The following ANKS1B variants were observed in gnomAD, a reference collection of about 807,000 sequenced individuals.
ANKS1B encodes ankyrin repeat and sterile alpha motif domain containing 1B.
ANKS1B carries 36 observed loss-of-function variants against 148.3 expected under a neutral mutation model. That is an observed-to-expected ratio of 0.24 (90% CI 0.19 to 0.32). The LOEUF is 0.32. Ranked by LOEUF, ANKS1B falls within the 10% of genes least tolerant of loss-of-function variation. The pLI is 1.00. For missense variants in ANKS1B, 1,157 were observed against 1,542.6 expected (o/e 0.75, Z 4.19); for synonymous variants, 542 against 560.8 (o/e 0.97, Z 0.47).
At chr12:99,235,045 G>A in intron 14 of ANKS1B, among the ~76,000 whole-genome samples, 1 of 152,024 alleles carries the variant, frequency 6.6e-6, no homozygotes, top group Non-Finnish European at 1.5e-5. Flanking sequence ...ATGATTCTTT[G>A]GGGACTGAGT....
In ANKS1B at chr12:99,262,654, A is replaced by T. The variant is rs149335751; in HGVS notation, c.1757-15790T>A. On this transcript the variant is annotated intron_variant, in intron 12 of 26. Transcript: ENST00000683438. The stretch of plus-strand genomic sequence containing the variant: ...ATTATTTTCCCCCAATGAAAATAAG[A>T]TCACTCTGTTTATGTAATTAAAAAA... Among the ~76,000 whole-genome samples, 1,355 of 152,130 alleles carry T rather than the reference A, an allele frequency of 8.9e-3. 24 individuals carry two copies. Among genetic ancestry groups the T allele is most frequent in the African/African-American group, 0.031 (1,280 of 41,530 alleles).
intron 19 of ANKS1B, among the ~76,000 whole-genome samples, chr12:98,814,416 G>A (rs1464353087): frequency 6.6e-6 from 1 of 152,162 alleles, no homozygotes; most frequent in Non-Finnish European, 1.5e-5. Flanking sequence ...ACCGTTATCC[G>A]TTATCATTTT....
At chr12:99,308,052 T>C (rs2082597020) in intron 12 of ANKS1B, among the ~76,000 whole-genome samples, 1 of 152,108 alleles carries the variant, frequency 6.6e-6, no homozygotes, top group Non-Finnish European at 1.5e-5. Context: ...AAACAAACGA[T>C]TATAGCAACA....
intron 12 of ANKS1B, among the ~76,000 whole-genome samples, chr12:99,386,525 C>T (rs1408809333): frequency 1.3e-5 from 2 of 151,808 alleles, no homozygotes; most frequent in African/African-American, 2.4e-5. Flanking sequence ...GTTTTGACCT[C>T]GTGAAAGAAC....
chr12:98,763,260 A>G (rs537037873), intron 25 of ANKS1B, among the ~76,000 whole-genome samples: 1 of 152,246 alleles, frequency 6.6e-6, no homozygotes, highest in Non-Finnish European at 1.5e-5. Context: ...TATTCTGGGC[A>G]TATTCACAGA....
At chr12:98,906,842 T>C (rs570520809) in intron 17 of ANKS1B, among the ~76,000 whole-genome samples, 2 of 152,288 alleles carry the variant, frequency 1.3e-5, no homozygotes, top group South Asian at 4.1e-4. Flanking sequence ...AAATAATTTT[T>C]GTTTTTATTT....
chr12:99,145,170 G>A (rs759824418), intron 15 of ANKS1B, among the ~76,000 whole-genome samples: 10 of 152,114 alleles, frequency 6.6e-5, no homozygotes, highest in African/African-American at 2.4e-4. Context: ...GGACAGTTGA[G>A]TATTACCAAA....
At chr12:99,834,050 A>G (rs891429550) in intron 1 of ANKS1B, among the ~76,000 whole-genome samples, 1 of 152,164 alleles carries the variant, frequency 6.6e-6, no homozygotes, top group African/African-American at 2.4e-5. Flanking sequence ...CTGAAACACC[A>G]TAAATAAGCC....
chr12:99,548,136 C>T (rs1435298342), intron 9 of ANKS1B, among the ~76,000 whole-genome samples: 1 of 152,150 alleles, frequency 6.6e-6, no homozygotes, highest in Non-Finnish European at 1.5e-5. Flanking sequence ...TCCACCTTTC[C>T]CTAATTTTTG....
chr12:98,778,336 C>T (rs1462900639), intron 24 of ANKS1B, among the ~76,000 whole-genome samples: 1 of 152,126 alleles, frequency 6.6e-6, no homozygotes, highest in African/African-American at 2.4e-5. Flanking sequence ...ATTAGCCGGG[C>T]ATGGTGGCAC....
chr12:99,094,929 G>A (rs370690730), intron 15 of ANKS1B, among the ~76,000 whole-genome samples: 6 of 152,024 alleles, frequency 3.9e-5, no homozygotes, highest in African/African-American at 1.4e-4. Flanking sequence ...AGTTGAGCTC[G>A]ACAATCAAAA....
chr12:99,557,210 G>A (rs747404414), intron 9 of ANKS1B, among the ~76,000 whole-genome samples: 3 of 151,966 alleles, frequency 2.0e-5, no homozygotes, highest in East Asian at 1.9e-4. Context: ...TTTGAATGTC[G>A]ACCTCTCTAG....
Position 99,407,968 on chromosome 12 carries a change from T to C in ANKS1B, c.1576-8157A>G, listed in dbSNP as rs1041147867. ...AATGCAATCATTAACAAAATACTAA[T>C]GATATTCTTCACAGAAATGGAAAAA... is the stretch of plus-strand genomic sequence containing the variant. On this transcript the variant is annotated intron_variant, in intron 11 of 26. Coordinates refer to ENST00000683438, the MANE Select transcript of ANKS1B (RefSeq NM_001352186.2). 2.7e-5 allele frequency among the ~76,000 whole-genome samples: 4 copies of C among 146,086 alleles called. No homozygotes were observed. The East Asian group carries it at 5.8e-4, about 21-fold the overall frequency.
chr12:98,977,142 G>A (rs1004448071), intron 17 of ANKS1B, among the ~76,000 whole-genome samples: 14 of 152,116 alleles, frequency 9.2e-5, no homozygotes, highest in Non-Finnish European at 1.5e-4. Context: ...ATGTATTCAC[G>A]GTTGTACAAT....
intron 1 of ANKS1B, among the ~76,000 whole-genome samples, chr12:99,903,785 A>G (rs946533670): frequency 6.6e-6 from 1 of 152,176 alleles, no homozygotes; most frequent in Admixed American, 6.5e-5. Context: ...AATGTGGTGC[A>G]GTGTATACTG....
At chr12:99,761,236 G>A (rs1601621008) in intron 8 of ANKS1B, among the ~76,000 whole-genome samples, 1 of 149,250 alleles carries the variant, frequency 6.7e-6, no homozygotes, top group Non-Finnish European at 1.5e-5. Context: ...ACCTGGCAAA[G>A]ACACACACAC....
chr12:99,230,754 A>G (rs2086706461), intron 14 of ANKS1B, among the ~76,000 whole-genome samples: 1 of 152,194 alleles, frequency 6.6e-6, no homozygotes, highest in South Asian at 2.1e-4. Context: ...AAGATTAGTT[A>G]GCACATGCTA....
At chr12:99,376,060 CGAATACAT>C (rs1424595487) in intron 12 of ANKS1B, among the ~76,000 whole-genome samples, 1 of 152,130 alleles carries the variant, frequency 6.6e-6, no homozygotes, top group Non-Finnish European at 1.5e-5. Context: ...AAATGACAGA[CGAATACAT>C]GAATTATCAA....
chr12:99,765,889 G>C (rs147534720), intron 8 of ANKS1B, among the ~76,000 whole-genome samples: 3 of 152,212 alleles, frequency 2.0e-5, no homozygotes, highest in African/African-American at 7.2e-5. Flanking sequence ...AGAAACTAAG[G>C]CTTGGAAATA....
Sources: gnomAD v4.1 joint callset for allele counts (sites outside exome capture counted in the v4.1 genomes callset) on GRCh38, gnomAD v4.1.1 for gene constraint, MANE v1.5 for transcripts, NCBI Gene and HGNC (gene_info 2026-07-23, HGNC 2026-07-21) for gene names.